The following CRADD variants were observed in gnomAD, a reference collection of about 807,000 sequenced individuals.
The protein encoded by CRADD is CARD and death domain containing adaptor protein.
In CRADD, 9 loss-of-function variants were observed where a neutral mutation model predicts 15.5. That is an observed-to-expected ratio of 0.58 (90% confidence interval 0.35 to 1.01). The LOEUF (loss-of-function observed/expected upper bound fraction) is 1.01. Ranked by LOEUF, CRADD falls within the 50% of genes least tolerant of loss-of-function variation. CRADD has a pLI of 0.02. For synonymous variants in CRADD, 118 were observed against 107.6 expected, an observed-to-expected ratio of 1.10 and a Z score of -0.60; for missense variants, 227 against 250.3, an observed-to-expected ratio of 0.91 and a Z score of 0.63.
chr12:93,797,655 G>A (rs1347355307), intron 2 of CRADD, among the ~76,000 whole-genome samples: 3 of 152,106 alleles, frequency 2.0e-5, no homozygotes, highest in Non-Finnish European at 4.4e-5. Context: ...TAAAACCACC[G>A]CAATAGGTAA....
rs140937811 is a variant in CRADD, at chr12:93,768,104, C to G, written c.299-81866C>G. Among the ~76,000 whole-genome samples the G allele has an allele frequency of 1.5e-4, 23 of 152,280 alleles. 1 individual carries two copies. The East Asian group carries it at 4.4e-3, about 29-fold the overall frequency. ...GTACTGTTTATGCCAATCGAACTTACTGTAATTCTGTAATCTAATTAGATA... is the reference window on the plus strand; with the variant it reads ...GTACTGTTTATGCCAATCGAACTTAGTGTAATTCTGTAATCTAATTAGATA... On this transcript the variant is annotated intron_variant, in intron 2 of 2. Transcript: ENST00000332896.
chr12:93,789,539 C>A (rs1488325580), intron 2 of CRADD, among the ~76,000 whole-genome samples: 1 of 152,072 alleles, frequency 6.6e-6, no homozygotes, highest in African/African-American at 2.4e-5. Context: ...TCTAAAAAAT[C>A]ATGTATCTTT....
rs375875206 is a variant in CRADD, at chr12:93,841,169, G to A, written c.299-8801G>A. On this transcript the variant is annotated intron_variant, in intron 2 of 2. Transcript: ENST00000332896. ...TATGATGTTGAAATTTATTGCAAAC[G>A]TAGGATACATTCTACTTGTTCATGA... Among the ~76,000 whole-genome samples, 7 of 152,150 alleles carry A rather than the reference G, an allele frequency of 4.6e-5. No individual in the cohort carries two copies. In the South Asian group the frequency reaches 8.3e-4, roughly 18 times the overall value.
chr12:93,752,870 G>A (rs1956843196), intron 2 of CRADD, among the ~76,000 whole-genome samples: 1 of 152,190 alleles, frequency 6.6e-6, no homozygotes, highest in Non-Finnish European at 1.5e-5. Context: ...GGCTGGGGAG[G>A]CCTCACAATC....
intron 2 of CRADD, among the ~76,000 whole-genome samples, chr12:93,864,863 C>T (rs955468564): frequency 9.9e-5 from 15 of 152,176 alleles, no homozygotes; most frequent in Admixed American, 9.8e-4. Flanking sequence ...CTCTCCTTAC[C>T]TCTGAAAGAC....
At chr12:93,846,584 A>ACACACACACACACACGCG (rs1555228768) in intron 2 of CRADD, 3 of 108,626 alleles carry the variant, frequency 2.8e-5, no homozygotes, top group African/African-American at 9.6e-5. Context: ...AAACCAGAAC[A>ACACACACACACACACGCG]CACACACACA....
chr12:93,855,609 C>T (rs1219968209), downstream of CRADD, among the ~76,000 whole-genome samples: 4 of 152,134 alleles, frequency 2.6e-5, no homozygotes, highest in Non-Finnish European at 4.4e-5. Context: ...GAAATAATAA[C>T]ACTGTATCTA....
chr12:93,882,262 A>G (rs1958507461), intron 2 of CRADD, among the ~76,000 whole-genome samples: 1 of 151,074 alleles, frequency 6.6e-6, no homozygotes, highest in Non-Finnish European at 1.5e-5. Flanking sequence ...TCTACTAAAA[A>G]TACAAAAAAT....
intron 2 of CRADD, among the ~76,000 whole-genome samples, chr12:93,876,261 C>T (rs903738928): frequency 5.3e-5 from 8 of 151,926 alleles, no homozygotes; most frequent in African/African-American, 1.7e-4. Flanking sequence ...TTATTCTTGA[C>T]CTTTGTGAGT....
chr12:93,778,581 G>T (rs1313899628), intron 2 of CRADD, among the ~76,000 whole-genome samples: 1 of 152,246 alleles, frequency 6.6e-6, no homozygotes, highest in East Asian at 1.9e-4. Flanking sequence ...TTTCTCTCAT[G>T]CAATTTCCTC....
intron 2 of CRADD, chr12:93,826,772 A>G (rs1184976275): frequency 6.6e-6 from 1 of 152,212 alleles, no homozygotes; most frequent in East Asian, 1.9e-4. Flanking sequence ...CACAGCAAAC[A>G]TCGCTGAACC....
chr12:93,799,767 AG>A, intron 2 of CRADD, among the ~76,000 whole-genome samples: 1 of 152,352 alleles, frequency 6.6e-6, no homozygotes, highest in East Asian at 1.9e-4. Context: ...TCATTGCTGT[AG>A]GGGTATAGAC....
At chr12:93,735,708 C>G (rs1281145714) in intron 2 of CRADD, 1 of 152,092 alleles carries the variant, frequency 6.6e-6, no homozygotes, top group East Asian at 1.9e-4. Context: ...TGAGCCCAGC[C>G]TGGGTGACAA....
intron 2 of CRADD, among the ~76,000 whole-genome samples, chr12:93,839,622 T>C (rs1050233771): frequency 2.0e-5 from 3 of 152,254 alleles, no homozygotes; most frequent in African/African-American, 7.2e-5. Flanking sequence ...TGTCTAGATT[T>C]CTATACATAT....
chr12:93,718,760 C>CTCTCTTTTTTTT, intron 2 of CRADD, among the ~76,000 whole-genome samples: 1 of 150,982 alleles, frequency 6.6e-6, no homozygotes, highest in African/African-American at 2.4e-5. Flanking sequence ...TCTCAATTTT[C>CTCTCTTTTTTTT]TCTCTTTTTT....
intron 2 of CRADD, among the ~76,000 whole-genome samples, chr12:93,882,768 G>A (rs1040296800): frequency 3.3e-5 from 5 of 152,214 alleles, no homozygotes; most frequent in African/African-American, 9.6e-5. Flanking sequence ...GAGAGGAAAT[G>A]CACACAAAGA....
intron 2 of CRADD, among the ~76,000 whole-genome samples, chr12:93,755,571 G>T (rs1422948329): frequency 6.6e-6 from 1 of 152,150 alleles, no homozygotes. Context: ...AAATAAGACA[G>T]GCATTTCAGA....
chr12:93,878,470 G>A (rs1958472443), intron 2 of CRADD, among the ~76,000 whole-genome samples: 1 of 152,156 alleles, frequency 6.6e-6, no homozygotes, highest in Non-Finnish European at 1.5e-5. Flanking sequence ...GGTGATGTCA[G>A]CACTCCCTTG....
intron 2 of CRADD, among the ~76,000 whole-genome samples, chr12:93,788,123 G>T (rs1592990964): frequency 6.6e-6 from 1 of 152,148 alleles, no homozygotes; most frequent in African/African-American, 2.4e-5. Flanking sequence ...TTCTTATGCT[G>T]CTATGAAGAA....
Sources: allele counts gnomAD v4.1 joint callset (sites outside exome capture counted in the v4.1 genomes callset), GRCh38; gene constraint gnomAD v4.1.1; transcripts MANE v1.5; gene names NCBI Gene and HGNC (gene_info 2026-07-23, HGNC 2026-07-21).